SGCD: variants seen among roughly 807,000 people sequenced by gnomAD.
SGCD encodes the protein delta-sarcoglycan.
SGCD carries 18 observed loss-of-function variants against 36.6 expected under a neutral mutation model. The ratio of observed to expected loss-of-function variants is 0.49; its 90% CI spans 0.34 to 0.73. SGCD has a LOEUF of 0.73. Among genes scored for constraint, SGCD ranks in the 30% least tolerant of loss-of-function variants. SGCD has a pLI of 0.01. For synonymous variants in SGCD, 133 were observed against 130.6 expected, an observed-to-expected ratio of 1.02 and a Z score of -0.12; for missense variants, 387 against 346.7, an observed-to-expected ratio of 1.12 and a Z score of -0.92.
At chr5:156,586,995 C>T (rs1483243579) in intron 4 of SGCD, among the ~76,000 whole-genome samples, 1 of 152,036 alleles carries the variant, frequency 6.6e-6, no homozygotes, top group Non-Finnish European at 1.5e-5. Flanking sequence ...GATGCAGAAA[C>T]TAAACAGAAA....
At chr5:156,622,954 C>T (rs1267789567) in intron 6 of SGCD, among the ~76,000 whole-genome samples, 1 of 152,046 alleles carries the variant, frequency 6.6e-6, no homozygotes, top group Admixed American at 6.6e-5. Context: ...GCTGTTTTCT[C>T]AAATGTCAAG....
the SGCD span, among the ~76,000 whole-genome samples, chr5:155,862,735 T>C: frequency 6.6e-6 from 1 of 152,230 alleles, no homozygotes; most frequent in Non-Finnish European, 1.5e-5. Context: ...GAATAAGACA[T>C]GTGTGATTTC....
At chr5:156,577,641 A>C (rs1376466189) in intron 4 of SGCD, among the ~76,000 whole-genome samples, 3 of 152,174 alleles carry the variant, frequency 2.0e-5, no homozygotes, top group African/African-American at 7.2e-5. Context: ...CATCCCTTGT[A>C]AATTGGATTT....
intron 3 of SGCD, among the ~76,000 whole-genome samples, chr5:156,124,330 G>A (rs1762117046): frequency 6.6e-6 from 1 of 152,076 alleles, no homozygotes; most frequent in African/African-American, 2.4e-5. Context: ...AGAGAAATGG[G>A]GGTAGATACT....
intron 3 of SGCD, among the ~76,000 whole-genome samples, chr5:156,200,038 T>C (rs377538383): frequency 6.6e-6 from 1 of 152,260 alleles, no homozygotes; most frequent in South Asian, 2.1e-4. Context: ...CAAATAAATA[T>C]ATTTCTCATA....
chr5:156,072,258 G>T (rs1318094372), intron 1 of SGCD, among the ~76,000 whole-genome samples: 1 of 152,078 alleles, frequency 6.6e-6, no homozygotes, highest in Non-Finnish European at 1.5e-5. Flanking sequence ...TGATTTTGCA[G>T]TGGCTGGTAC....
intron 4 of SGCD, among the ~76,000 whole-genome samples, chr5:156,557,460 T>G (rs1759074628): frequency 1.3e-5 from 2 of 152,196 alleles, no homozygotes; most frequent in Admixed American, 1.3e-4. Flanking sequence ...CATACTAGAA[T>G]AGGAGTCAGC....
intron 3 of SGCD, among the ~76,000 whole-genome samples, chr5:156,185,850 T>TAGAGAGAGAGAG (rs201378824): frequency 9.1e-4 from 45 of 49,660 alleles, no homozygotes; most frequent in Non-Finnish European, 1.2e-3. Flanking sequence ...TATATATATA[T>TAGAGAGAGAGAG]AGAGAGAGAG....
At chr5:156,610,138 C>T (rs568571138) in intron 6 of SGCD, among the ~76,000 whole-genome samples, 22 of 136,216 alleles carry the variant, frequency 1.6e-4, no homozygotes, top group African/African-American at 3.1e-4. Context: ...TTAGAGTTTC[C>T]GGTTTTTCTG....
chr5:156,009,247 T>C (rs1420908017), intron 1 of SGCD, among the ~76,000 whole-genome samples: 2 of 152,202 alleles, frequency 1.3e-5, no homozygotes, highest in African/African-American at 4.8e-5. Context: ...ATGGATTTTT[T>C]CTCAGGTAAA....
chr5:155,766,174 C>T, the SGCD span, among the ~76,000 whole-genome samples: 1 of 152,052 alleles, frequency 6.6e-6, no homozygotes, highest in East Asian at 1.9e-4. Flanking sequence ...ATAGAGGGTG[C>T]ATTAAAAACC....
chr5:156,588,586 G>A (rs908282994), intron 4 of SGCD, among the ~76,000 whole-genome samples: 16 of 152,152 alleles, frequency 1.1e-4, no homozygotes, highest in African/African-American at 3.4e-4. Context: ...AAAAGTTGGG[G>A]AGCCCTTTAG....
rs371167757 is a variant in SGCD at position 156,155,696 on chromosome 5, C to T, written c.-44+31677C>T. ...CCAGCATGATGGCTTCTCAGCTGCT[C>T]TGTGTCAGTGGGCAGCTGATAGAGC... On this transcript the variant is annotated intron_variant, in intron 3 of 9. Transcript: ENST00000517913. 3.4e-4 allele frequency among the ~76,000 whole-genome samples: 52 copies of T among 151,220 alleles called. 3 individuals are homozygous for T. Among genetic ancestry groups the T allele is most frequent in the African/African-American group, 1.1e-3 (46 of 40,748 alleles).
the SGCD span, among the ~76,000 whole-genome samples, chr5:155,748,870 AG>A: frequency 6.6e-6 from 1 of 152,238 alleles, no homozygotes; most frequent in Non-Finnish European, 1.5e-5. Context: ...TGTGAGTCAT[AG>A]GCACGACTTC....
At chr5:156,722,736 T>C (rs1755571252) in intron 7 of SGCD, among the ~76,000 whole-genome samples, 1 of 152,250 alleles carries the variant, frequency 6.6e-6, no homozygotes, top group Non-Finnish European at 1.5e-5. Context: ...TTGTACTTTA[T>C]AAACAGCCTC....
intron 1 of SGCD, among the ~76,000 whole-genome samples, chr5:155,981,542 T>C (rs1252110380): frequency 2.6e-5 from 4 of 152,206 alleles, no homozygotes; most frequent in South Asian, 4.1e-4. Context: ...AGAGGAAACG[T>C]TGGGTGGCCC....
At chr5:155,920,440 G>A (rs1414381799) in intron 1 of SGCD, among the ~76,000 whole-genome samples, 1 of 152,244 alleles carries the variant, frequency 6.6e-6, no homozygotes, top group Non-Finnish European at 1.5e-5. Flanking sequence ...TTCTTGTGGT[G>A]TTGATTGTAG....
intron 4 of SGCD, among the ~76,000 whole-genome samples, chr5:156,576,152 C>G (rs1055243173): frequency 6.6e-6 from 1 of 151,886 alleles, no homozygotes; most frequent in African/African-American, 2.4e-5. Flanking sequence ...TCATTTCCCA[C>G]CTATGAGTGA....
chr5:156,681,606 A>G (rs1753725088), intron 7 of SGCD, among the ~76,000 whole-genome samples: 3 of 152,188 alleles, frequency 2.0e-5, no homozygotes, highest in Admixed American at 1.3e-4. Context: ...TATGATGAAA[A>G]TGTCAACAGG....
Sources: gnomAD v4.1 joint callset for allele counts (sites outside exome capture counted in the v4.1 genomes callset) on GRCh38, gnomAD v4.1.1 for gene constraint, MANE v1.5 for transcripts, NCBI Gene and HGNC (gene_info 2026-07-23, HGNC 2026-07-21) for gene names.